The following LGSN variants were observed in gnomAD, a reference collection of about 807,000 sequenced individuals.
LGSN encodes lengsin, lens protein with glutamine synthetase domain, also known as lengsin.
Under a neutral mutation model 19.5 loss-of-function variants are expected in LGSN, and 21 were observed. The observed-to-expected ratio is 1.07, with a 90% CI of 0.76 to 1.55. The LOEUF (loss-of-function observed/expected upper bound fraction) is 1.55, where lower values mean the gene tolerates loss of function less well. Ranked by LOEUF, LGSN falls within the 40% of genes most tolerant of loss-of-function variation. The pLI is 0.00. For synonymous variants in LGSN, 257 were observed against 215.6 expected, an observed-to-expected ratio of 1.19 and a Z score of -1.68; for missense variants, 673 against 608.5, an observed-to-expected ratio of 1.11 and a Z score of -1.12.
the LGSN span, among the ~76,000 whole-genome samples, chr6:63,420,443 G>C: frequency 1.1e-4 from 16 of 152,268 alleles, no homozygotes; most frequent in Non-Finnish European, 1.0e-4. Context: ...GTGATTAAAG[G>C]CTTGACTGTT....
the LGSN span, among the ~76,000 whole-genome samples, chr6:63,410,656 T>C: frequency 6.6e-6 from 1 of 152,216 alleles, no homozygotes; most frequent in Non-Finnish European, 1.5e-5. Flanking sequence ...GCTTCTTTCT[T>C]GGAACCATAA....
chr6:63,485,037 GT>G, the LGSN span, among the ~76,000 whole-genome samples: 67 of 145,198 alleles, frequency 4.6e-4, no homozygotes, highest in Middle Eastern at 7.0e-3. Flanking sequence ...TTTTTTAGTT[GT>G]TTTTTTTTTT....
At chr6:63,455,678 C>CG in the LGSN span, among the ~76,000 whole-genome samples, 1 of 151,990 alleles carries the variant, frequency 6.6e-6, no homozygotes, top group African/African-American at 2.4e-5. Flanking sequence ...CACTAGAACC[C>CG]GGGAGGCAGA....
chr6:63,364,270 A>T, the LGSN span, among the ~76,000 whole-genome samples: 1 of 151,906 alleles, frequency 6.6e-6, no homozygotes, highest in African/African-American at 2.4e-5. Flanking sequence ...AAACAAAAAA[A>T]AAACGGGTTG....
chr6:63,550,003 C>T, the LGSN span, among the ~76,000 whole-genome samples: 2 of 152,098 alleles, frequency 1.3e-5, no homozygotes, highest in East Asian at 3.8e-4. Flanking sequence ...AGATGAGGAA[C>T]ACACTAATTA....
the LGSN span, among the ~76,000 whole-genome samples, chr6:63,499,651 A>G: frequency 6.6e-6 from 1 of 152,178 alleles, no homozygotes; most frequent in East Asian, 1.9e-4. Flanking sequence ...GCAATCTCCA[A>G]ATATGGGTTT....
chr6:63,374,185 A>G, the LGSN span, among the ~76,000 whole-genome samples: 1 of 152,176 alleles, frequency 6.6e-6, no homozygotes, highest in African/African-American at 2.4e-5. Context: ...AAAAACACCA[A>G]TATATATTAC....
In LGSN at chr6:63,319,976, A is replaced by T. The variant is rs780988403; in HGVS notation, c.-33T>A. 7.7e-6 allele frequency: 12 copies of T among 1,554,382 alleles called. No homozygotes were observed. The highest frequency in any genetic ancestry group is 1.1e-5 in the Non-Finnish European group (12 of 1,126,040). ...CTTTTTAAGTTCAGCGTTAGAAACC[A>T]CAATATCCTCAACAAATGCATTCAA... On this transcript the variant is annotated 5_prime_UTR_variant, in exon 1 of 4. Transcript: ENST00000370657.
chr6:63,513,992 A>C, the LGSN span, among the ~76,000 whole-genome samples: 6 of 151,602 alleles, frequency 4.0e-5, no homozygotes, highest in Non-Finnish European at 8.8e-5. Context: ...ATTTTTCATA[A>C]GGAATATGTA....
At chr6:63,365,008 A>G in the LGSN span, among the ~76,000 whole-genome samples, 1 of 152,200 alleles carries the variant, frequency 6.6e-6, no homozygotes, top group Admixed American at 6.6e-5. Flanking sequence ...TGACACCCTA[A>G]CATCACAATT....
chr6:63,552,799 C>T, the LGSN span, among the ~76,000 whole-genome samples: 1 of 152,108 alleles, frequency 6.6e-6, no homozygotes, highest in Non-Finnish European at 1.5e-5. Context: ...GGAAACCTTT[C>T]CCCATTTCTT....
chr6:63,310,659 G>A (rs564718907), intron 1 of LGSN, among the ~76,000 whole-genome samples: 3 of 152,024 alleles, frequency 2.0e-5, no homozygotes, highest in Non-Finnish European at 1.5e-5. Flanking sequence ...TAAAAATGAG[G>A]GTCCTGGAAG....
At chr6:63,507,390 A>G in the LGSN span, among the ~76,000 whole-genome samples, 2 of 152,212 alleles carry the variant, frequency 1.3e-5, no homozygotes. Context: ...ATACATGTGC[A>G]TATAATTCAT....
chr6:63,410,637 G>T, the LGSN span, among the ~76,000 whole-genome samples: 1 of 152,126 alleles, frequency 6.6e-6, no homozygotes, highest in East Asian at 1.9e-4. Flanking sequence ...AGCCAGTATT[G>T]GCTCTGGGGC....
At chr6:63,426,194 C>A in the LGSN span, among the ~76,000 whole-genome samples, 1 of 152,108 alleles carries the variant, frequency 6.6e-6, no homozygotes, top group East Asian at 1.9e-4. Flanking sequence ...TTGTTTCACA[C>A]TGTATTTCAT....
the LGSN span, among the ~76,000 whole-genome samples, chr6:63,425,406 G>A: frequency 6.6e-6 from 1 of 152,026 alleles, no homozygotes; most frequent in Non-Finnish European, 1.5e-5. Context: ...AACAAATTTT[G>A]GTAAGTTCAT....
Position 63,281,174 on chromosome 6 carries a change from A to C in LGSN, c.377T>G (p.Val126Gly). The change falls in exon 4 of 4, where the codon GTG becomes GGG. Residue 126 changes from valine to glycine, a missense_variant. Transcript: ENST00000370657. ...TTCATTGTCCTTTGGATTTGGTATC[A>C]CTTCAAGATAACCTCGGGGCATGCA... Reference protein sequence around the residue: ...GVCMPRGYLEVIPNPKDNEMN... With the variant: ...GVCMPRGYLEGIPNPKDNEMN... 1.9e-6 allele frequency: 3 copies of C among 1,612,640 alleles called. No homozygotes were observed. Among genetic ancestry groups the C allele is most frequent in the Non-Finnish European group, 1.7e-6 (2 of 1,179,342 alleles).
chr6:63,457,305 G>A, the LGSN span, among the ~76,000 whole-genome samples: 1 of 152,082 alleles, frequency 6.6e-6, no homozygotes, highest in African/African-American at 2.4e-5. Context: ...AGGAGTTCGA[G>A]ACCAGCCTGG....
the LGSN span, among the ~76,000 whole-genome samples, chr6:63,474,629 G>C: frequency 6.7e-6 from 1 of 149,012 alleles, no homozygotes; most frequent in Non-Finnish European, 1.5e-5. Flanking sequence ...AAAAAAGAAA[G>C]TGGGAAGTTA....
Sources: gnomAD v4.1 joint callset for allele counts (sites outside exome capture counted in the v4.1 genomes callset) on GRCh38, gnomAD v4.1.1 for gene constraint, MANE v1.5 for transcripts, NCBI Gene and HGNC (gene_info 2026-07-23, HGNC 2026-07-21) for gene names.